TOX2: variants seen among roughly 807,000 people sequenced by gnomAD.
TOX2 encodes the protein granulosa cell HMG box 1.
In TOX2, 15 loss-of-function variants were observed where a neutral mutation model predicts 47.4. The observed-to-expected ratio is 0.32, with a 90% CI of 0.21 to 0.49. TOX2 has a LOEUF of 0.49. TOX2 is among the 20% of genes least tolerant of loss of function. The probability of loss-of-function intolerance (pLI) is 0.99; values close to 1 mark genes in which losing one functional copy is unlikely to be tolerated. For missense variants in TOX2, 622 were observed against 673.1 expected (o/e 0.92, Z 0.84); for synonymous variants, 290 against 296.6 (o/e 0.98, Z 0.23).
intron 1 of TOX2, among the ~76,000 whole-genome samples, chr20:43,969,953 C>T (rs553822133): frequency 6.6e-6 from 1 of 152,198 alleles, no homozygotes; most frequent in Non-Finnish European, 1.5e-5. Flanking sequence ...ACACTCGTGT[C>T]GGAGACCAGG....
intron 1 of TOX2, among the ~76,000 whole-genome samples, chr20:43,928,620 A>G (rs2069208394): frequency 6.6e-6 from 1 of 152,184 alleles, no homozygotes; most frequent in African/African-American, 2.4e-5. Context: ...TCATCTGCCT[A>G]TGGCCATGCT....
At chr20:43,957,927 C>A (rs373144613) in intron 1 of TOX2, among the ~76,000 whole-genome samples, 1 of 152,140 alleles carries the variant, frequency 6.6e-6, no homozygotes, top group Non-Finnish European at 1.5e-5. Flanking sequence ...CTCACTATCA[C>A]GAGAACAGCA....
chr20:43,968,713 A>G (rs992257488), intron 1 of TOX2, among the ~76,000 whole-genome samples: 2 of 152,220 alleles, frequency 1.3e-5, no homozygotes, highest in African/African-American at 4.8e-5. Context: ...ACAATCTTCC[A>G]GCTGTAATGA....
intron 1 of TOX2, among the ~76,000 whole-genome samples, chr20:43,927,276 C>T (rs1008437366): frequency 4.6e-5 from 7 of 152,184 alleles, no homozygotes; most frequent in South Asian, 2.1e-4. Context: ...AGTTATGCTC[C>T]GCAATTAACA....
Position 44,051,529 on chromosome 20 carries a change from C to A in TOX2, c.635C>A (p.Ser212Ter). Residue 212 changes from serine to a stop codon, truncating the protein, a stop_gained, in exon 4 of 9, where the codon TCG becomes TAG. Coordinates refer to ENST00000341197, the MANE Select transcript of TOX2 (RefSeq NM_001098797.2). LOFTEE classifies it high-confidence loss of function. ...SPSSSTQEEE[S>*]EVHFKISGEK... ...TCCAGCTCCACTCAGGAAGAGGAGT[C>A]GGAAGTGCATTTCAAGGTATGTGCG... 2 of 1,598,164 alleles carry A rather than the reference C, an allele frequency of 1.3e-6. No homozygotes were observed. The highest frequency in any genetic ancestry group is 1.1e-5 in the South Asian group (1 of 89,422).
At chr20:44,049,019 T>C (rs1026032391) in intron 3 of TOX2, among the ~76,000 whole-genome samples, 2 of 152,206 alleles carry the variant, frequency 1.3e-5, no homozygotes, top group African/African-American at 4.8e-5. Context: ...TGCCACCTGT[T>C]GTCCCAGCTA....
chr20:43,982,581 G>A (rs891976637), intron 2 of TOX2, among the ~76,000 whole-genome samples: 1 of 151,990 alleles, frequency 6.6e-6, no homozygotes, highest in Non-Finnish European at 1.5e-5. Context: ...CATGGCATTG[G>A]CAGGGGCCTG....
intron 2 of TOX2, among the ~76,000 whole-genome samples, chr20:43,993,728 T>A (rs1435955557): frequency 2.0e-5 from 3 of 152,236 alleles, no homozygotes; most frequent in Non-Finnish European, 2.9e-5. Context: ...AGTTGAATAG[T>A]TCTGACAGAG....
At chr20:44,026,208 C>T (rs1419446845) in intron 3 of TOX2, among the ~76,000 whole-genome samples, 6 of 98,250 alleles carry the variant, frequency 6.1e-5, no homozygotes, top group African/African-American at 2.7e-4. Context: ...GCCCATCGAT[C>T]GAGTGGATAA....
chr20:44,019,112 AAAATGAATGAATG>A (rs2145643767), intron 3 of TOX2, among the ~76,000 whole-genome samples: 1 of 148,380 alleles, frequency 6.7e-6, no homozygotes, highest in African/African-American at 2.6e-5. Flanking sequence ...GACTGACTGA[AAAATGAATGAATG>A]AATGAATGAA....
chr20:44,009,088 G>T (rs998935115), intron 3 of TOX2, among the ~76,000 whole-genome samples: 4 of 152,176 alleles, frequency 2.6e-5, no homozygotes, highest in African/African-American at 7.2e-5. Context: ...CATGGTTTGG[G>T]GTGGCTTGTG....
chr20:43,998,727 CTATCTATCTATCTATCT>C (rs2070523773), intron 2 of TOX2, among the ~76,000 whole-genome samples: 1 of 138,522 alleles, frequency 7.2e-6, no homozygotes, highest in Admixed American at 7.4e-5. Flanking sequence ...ATACATCTAT[CTATCTATCTATCTATCT>C]ATCTATCTAT....
At chr20:44,032,870 C>T (rs949253238) in intron 3 of TOX2, among the ~76,000 whole-genome samples, 3 of 152,172 alleles carry the variant, frequency 2.0e-5, no homozygotes, top group South Asian at 4.1e-4. Flanking sequence ...TCTCTGCCGG[C>T]GGCTTCATAT....
intron 3 of TOX2, among the ~76,000 whole-genome samples, chr20:44,035,315 G>C (rs1003388310): frequency 6.6e-6 from 1 of 152,236 alleles, no homozygotes; most frequent in African/African-American, 2.4e-5. Flanking sequence ...TGAAGCCTCA[G>C]TGAAGCCACC....
At chr20:43,961,825 A>G (rs1233985963) in intron 1 of TOX2, among the ~76,000 whole-genome samples, 1 of 151,890 alleles carries the variant, frequency 6.6e-6, no homozygotes, top group East Asian at 1.9e-4. Context: ...CATCCCCCAC[A>G]GCAGAAGCCC....
intron 1 of TOX2, among the ~76,000 whole-genome samples, chr20:43,943,626 A>G (rs962294842): frequency 6.6e-6 from 1 of 152,200 alleles, no homozygotes; most frequent in Non-Finnish European, 1.5e-5. Context: ...TATGTGAAGT[A>G]GGGAGGAGGC....
intron 1 of TOX2, chr20:43,955,067 G>C (rs1343811356): frequency 4.6e-6 from 1 of 215,364 alleles, no homozygotes; most frequent in Non-Finnish European, 7.9e-6. Context: ...CTGACGCGAG[G>C]CTCTTTGTAA....
intron 1 of TOX2, among the ~76,000 whole-genome samples, chr20:43,934,576 C>T (rs535907302): frequency 6.6e-6 from 1 of 151,872 alleles, no homozygotes; most frequent in African/African-American, 2.4e-5. Context: ...TACTGCAGAC[C>T]TGACTGGATG....
chr20:43,955,880 C>T (rs1569032187), intron 1 of TOX2, among the ~76,000 whole-genome samples: 2 of 152,224 alleles, frequency 1.3e-5, no homozygotes, highest in South Asian at 2.1e-4. Flanking sequence ...CATTCTCCAC[C>T]CAGAAGCCAG....
Sources: allele counts gnomAD v4.1 joint callset (sites outside exome capture counted in the v4.1 genomes callset), GRCh38; gene constraint gnomAD v4.1.1; transcripts MANE v1.5; gene names NCBI Gene and HGNC (gene_info 2026-07-23, HGNC 2026-07-21).